Variants in SIRPA observed in about 807,000 individuals in gnomAD.
SIRPA encodes the protein tyrosine-protein phosphatase non-receptor type substrate 1.
SIRPA carries 9 observed loss-of-function variants against 50.3 expected under a neutral mutation model. That is an observed-to-expected ratio of 0.18 (90% CI 0.11 to 0.31). The LOEUF (loss-of-function observed/expected upper bound fraction) is 0.31, where lower values mean the gene tolerates loss of function less well. Ranked by LOEUF, SIRPA falls within the 10% of genes least tolerant of loss-of-function variation. SIRPA has a pLI of 1.00. For missense variants in SIRPA, 474 were observed against 661.6 expected, an observed-to-expected ratio of 0.72 and a Z score of 3.11; for synonymous variants, 265 against 284.1, an observed-to-expected ratio of 0.93 and a Z score of 0.68.
At position 1,928,799 on chromosome 20, in the gene SIRPA, C is replaced by G. The variant is rs2267905; in HGVS notation, c.1226+900C>G. ...AGGAAGAAGATAAGGTCAGGAAGAC[C>G]CAGGTCCTCGGCATCCCGGTGTCCT... On this transcript the variant is annotated intron_variant, in intron 6 of 7. Coordinates refer to ENST00000358771, the MANE Select transcript of SIRPA (RefSeq NM_001040023.2). This position sits in a 1 kb window ranked among gnomAD's most constrained non-coding sequence, Gnocchi z 4.9. Among the ~76,000 whole-genome samples the G allele has an allele frequency of 1.3e-5, 2 of 152,036 alleles. No homozygotes were observed. The highest frequency in any genetic ancestry group is 1.3e-4 in the Admixed American group (2 of 15,274).
chr20:1,931,453 TC>T (rs1324173677), intron 6 of SIRPA, among the ~76,000 whole-genome samples: 4 of 152,170 alleles, frequency 2.6e-5, no homozygotes, highest in African/African-American at 7.2e-5. Context: ...TATTTCTTCT[TC>T]CCCAGAGAAA....
chr20:1,914,874 C>G (rs1202871287), intron 1 of SIRPA, among the ~76,000 whole-genome samples: 2 of 152,184 alleles, frequency 1.3e-5, no homozygotes, highest in African/African-American at 2.4e-5. Flanking sequence ...CAAACCCACT[C>G]TCTGCCATGT....
rs758270361 is a variant in SIRPA, at chr20:1,934,641, GTTATTC to G, written c.1227-69_1227-64del. 1.4e-5 allele frequency: 20 copies of G among 1,458,912 alleles called. No individual in the cohort carries two copies. Among genetic ancestry groups the G allele is most frequent in the African/African-American group, 4.2e-5 (3 of 71,694 alleles). 90.4% of individuals were successfully genotyped at this position (1,458,912 alleles called of 1,614,324 possible). ...CCCATATAGAAAATGGAGCCTAAAT[GTTATTC>G]TTATCAGTTTGCATGAGCACTTGAG... is the stretch of plus-strand genomic sequence containing the variant. On this transcript the variant is annotated intron_variant, in intron 6 of 7. Coordinates refer to ENST00000358771, the MANE Select transcript of SIRPA (RefSeq NM_001040023.2). The surrounding 1 kb of genome is among the most constrained non-coding windows in gnomAD (Gnocchi z 4.6).
At chr20:1,930,185 C>T (rs1986220184) in intron 6 of SIRPA, among the ~76,000 whole-genome samples, 1 of 151,594 alleles carries the variant, frequency 6.6e-6, no homozygotes, top group African/African-American at 2.4e-5. Flanking sequence ...CACCTGCTCA[C>T]CTCCTGCTTC....
intron 2 of SIRPA, 60 bp from the exon 3 acceptor site, chr20:1,921,335 C>T (rs900806400): frequency 1.2e-6 from 2 of 1,609,292 alleles, no homozygotes; most frequent in African/African-American, 2.7e-5. Context: ...GTGTCACACA[C>T]TTATCGTTAG....
intron 6 of SIRPA, among the ~76,000 whole-genome samples, chr20:1,930,928 T>C (rs938022400): frequency 6.6e-6 from 1 of 152,224 alleles, no homozygotes; most frequent in Non-Finnish European, 1.5e-5. Flanking sequence ...CCTCCCCGAT[T>C]AGACAATGAG....
In SIRPA at chr20:1,932,344, T is replaced by C. The variant is rs1986342118; in HGVS notation, c.1227-2371T>C. The stretch of plus-strand genomic sequence containing the variant: ...GGGAGGGCTTGTCTGCAAGGTGACA[T>C]TTAGAAGATCACTGAAGGATGAGGA... On this transcript the variant is annotated intron_variant, in intron 6 of 7. Coordinates refer to ENST00000358771, the MANE Select transcript of SIRPA (RefSeq NM_001040023.2). This position sits in a 1 kb window ranked among gnomAD's most constrained non-coding sequence, Gnocchi z 6.0. Among the ~76,000 whole-genome samples, 1 of 151,852 alleles carries C rather than the reference T, an allele frequency of 6.6e-6. No homozygotes were observed. The highest frequency in any genetic ancestry group is 6.6e-5 in the Admixed American group (1 of 15,234).
Position 1,933,398 on chromosome 20 carries a change from G to GCCCCC in SIRPA, c.1227-1315_1227-1314insCCCCC, listed in dbSNP as rs1170841693. Among the ~76,000 whole-genome samples, 1 of 119,124 alleles carries GCCCCC rather than the reference G, an allele frequency of 8.4e-6. No homozygotes were observed. The highest frequency in any genetic ancestry group is 1.8e-5 in the Non-Finnish European group (1 of 56,606). The allele number at this position is 119,124 out of a possible 152,430, so 78.1% of individuals were successfully genotyped here. On this transcript the variant is annotated intron_variant, in intron 6 of 7. Transcript: ENST00000358771. The surrounding 1 kb of genome is among the most constrained non-coding windows in gnomAD (Gnocchi z 4.4). ...AAGCATGAAGTACATAACATCAAAT[G>GCCCCC]CCACCCCCCCCCCGAAATATCTGGT...
In SIRPA at chr20:1,927,347, G is replaced by A. The variant is rs1986041736; in HGVS notation, c.1202-528G>A. Among the ~76,000 whole-genome samples, 2 of 152,160 alleles carry A rather than the reference G, an allele frequency of 1.3e-5. 1 individual carries two copies. The highest frequency in any genetic ancestry group is 4.1e-4 in the South Asian group (2 of 4,834). On this transcript the variant is annotated intron_variant, in intron 5 of 7. Transcript: ENST00000358771. The surrounding 1 kb of genome is among the most constrained non-coding windows in gnomAD (Gnocchi z 6.5). ...CCTTCCAAGATCCTTTTTTTGGAAA[G>A]TGGTGGCATGTAAATAAATGGATGC...
chr20:1,916,992 C>T (rs1368196941), intron 2 of SIRPA, among the ~76,000 whole-genome samples: 2 of 152,170 alleles, frequency 1.3e-5, no homozygotes, highest in Non-Finnish European at 2.9e-5. Context: ...CAGGAAAAGA[C>T]GTTGAAGTTC....
At chr20:1,919,145 G>A (rs1985493941) in intron 2 of SIRPA, among the ~76,000 whole-genome samples, 1 of 152,254 alleles carries the variant, frequency 6.6e-6, no homozygotes. Flanking sequence ...AGGCCTCAAG[G>A]ATAAATGGTC....
Position 1,939,167 on chromosome 20 carries a change from C to G in SIRPA, c.*1599C>G, listed in dbSNP as rs767590832. 2 of 152,240 alleles carry G rather than the reference C, an allele frequency of 1.3e-5. No homozygotes were observed. The highest frequency in any genetic ancestry group is 2.4e-5 in the African/African-American group (1 of 41,426). The allele number at this position is 152,240 out of a possible 1,614,324, so 9.4% of individuals were successfully genotyped here. A position where few individuals can be genotyped will look rare whatever the true frequency, so the allele number is the denominator to read the frequency against. ...CCAGGGCAAGCAGATGTCGCAAGCC[C>G]TATTTATTCAGTCTTCACTATAACT... is the stretch of plus-strand genomic sequence containing the variant. On this transcript the variant is annotated 3_prime_UTR_variant, in exon 8 of 8. Coordinates refer to ENST00000358771, the MANE Select transcript of SIRPA (RefSeq NM_001040023.2). The surrounding 1 kb of genome is among the most constrained non-coding windows in gnomAD (Gnocchi z 4.7).
chr20:1,895,244 A>T (rs1983709002), upstream of SIRPA: 2 of 397,202 alleles, frequency 5.0e-6, no homozygotes, highest in Non-Finnish European at 8.5e-6. Context: ...CCGTCTCTCC[A>T]TTTCTCCTGG....
chr20:1,923,784 C>T (rs1475571973), intron 4 of SIRPA, among the ~76,000 whole-genome samples: 3 of 152,208 alleles, frequency 2.0e-5, no homozygotes, highest in African/African-American at 7.2e-5. Context: ...TTGGACAAGT[C>T]AGTGCCTCTC....
chr20:1,918,016 C>T (rs1183803690), intron 2 of SIRPA, among the ~76,000 whole-genome samples: 1 of 152,098 alleles, frequency 6.6e-6, no homozygotes, highest in Non-Finnish European at 1.5e-5. Flanking sequence ...CTGGAAATGC[C>T]CATTGGGTAC....
Position 1,934,747 on chromosome 20 carries a change from T to C in SIRPA, c.1259T>C (p.Ile420Thr), listed in dbSNP as rs955216012. The C allele has an allele frequency of 1.2e-6, 2 of 1,613,998 alleles. No homozygotes were observed. Among genetic ancestry groups the C allele is most frequent in the Non-Finnish European group, 1.7e-6 (2 of 1,180,018 alleles). ...LHEPEKNARE[I>T]TQDTNDITYA... is the part of the protein sequence containing the mutation. ...GAGCCCGAGAAGAATGCCAGAGAAATAACACAGGTACAGTCCTTGGTGAGA... is the reference window on the plus strand; with the variant it reads ...GAGCCCGAGAAGAATGCCAGAGAAACAACACAGGTACAGTCCTTGGTGAGA... Residue 420 changes from isoleucine to threonine, a missense_variant, in exon 7 of 8, where the codon ATA becomes ACA. Physicochemically the swap from Ile to Thr is moderately conservative, Grantham distance 89 (BLOSUM62 -1). This residue lies in a region of SIRPA where 180 missense variants were observed against 206.7 expected (regional missense o/e 0.87). Coordinates refer to ENST00000358771, the MANE Select transcript of SIRPA (RefSeq NM_001040023.2). The surrounding 1 kb of genome is among the most constrained non-coding windows in gnomAD (Gnocchi z 4.6).
At chr20:1,912,307 T>G (rs942190406) in intron 1 of SIRPA, among the ~76,000 whole-genome samples, 2 of 152,238 alleles carry the variant, frequency 1.3e-5, no homozygotes, top group Non-Finnish European at 2.9e-5. Flanking sequence ...CCCCTTGTGG[T>G]GTTATTGATA....
At chr20:1,897,350 C>T (rs1230048619) in intron 1 of SIRPA, among the ~76,000 whole-genome samples, 5 of 152,256 alleles carry the variant, frequency 3.3e-5, no homozygotes, top group East Asian at 3.9e-4. Flanking sequence ...ATTTCTTGGT[C>T]GAGGGTGGTG....
chr20:1,902,927 G>C (rs544307515), intron 1 of SIRPA, among the ~76,000 whole-genome samples: 18 of 149,178 alleles, frequency 1.2e-4, no homozygotes, highest in African/African-American at 3.5e-4. Context: ...CAGGAGAATC[G>C]CTTGACCCCA....
Sources: gnomAD v4.1 joint callset for allele counts (sites outside exome capture counted in the v4.1 genomes callset) on GRCh38, gnomAD v4.1.1 for gene constraint, gnomAD v4.1.1 regional missense constraint, Gnocchi (gnomAD v3.1) non-coding constraint, MANE v1.5 for transcripts, NCBI Gene and HGNC (gene_info 2026-07-23, HGNC 2026-07-21) for gene names.